Variants in ANKS1B observed in about 807,000 individuals in gnomAD.
The protein encoded by ANKS1B is ankyrin repeat and sterile alpha motif domain containing 1B, also known as ankyrin repeat and sterile alpha motif domain-containing protein 1B.
ANKS1B carries 36 observed loss-of-function variants against 148.3 expected under a neutral mutation model. The observed-to-expected ratio is 0.24, with a 90% CI of 0.19 to 0.32. The LOEUF (loss-of-function observed/expected upper bound fraction) is 0.32. Ranked by LOEUF, ANKS1B falls within the 10% of genes least tolerant of loss-of-function variation. ANKS1B has a pLI of 1.00. For synonymous variants in ANKS1B, 542 were observed against 560.8 expected (o/e 0.97, Z 0.47); for missense variants, 1,157 against 1,542.6 (o/e 0.75, Z 4.19).
intron 17 of ANKS1B, among the ~76,000 whole-genome samples, chr12:98,859,248 A>T (rs1182332676): frequency 2.0e-5 from 3 of 152,228 alleles, no homozygotes; most frequent in Non-Finnish European, 4.4e-5. Context: ...GCATTCACAT[A>T]TGTGATGGTA....
At chr12:98,923,072 T>A (rs1166096065) in intron 17 of ANKS1B, among the ~76,000 whole-genome samples, 2 of 151,942 alleles carry the variant, frequency 1.3e-5, no homozygotes, top group Non-Finnish European at 2.9e-5. Context: ...GGTGTCTGGG[T>A]CATAGAGGTA....
intron 22 of ANKS1B, among the ~76,000 whole-genome samples, chr12:98,782,364 A>C (rs2098745829): frequency 1.3e-5 from 2 of 152,204 alleles, no homozygotes; most frequent in Non-Finnish European, 1.5e-5. Context: ...GTTTCTCATC[A>C]TTCTGTTTAC....
intron 24 of ANKS1B, among the ~76,000 whole-genome samples, chr12:98,775,033 T>C (rs912318000): frequency 6.6e-6 from 1 of 152,126 alleles, no homozygotes; most frequent in Non-Finnish European, 1.5e-5. Context: ...AATGTTAAAA[T>C]GAGAAAAAGG....
In ANKS1B at chr12:99,809,828, C is replaced by T. The variant is rs569129892; in HGVS notation, c.372+2327G>A. ...CCCTGACTATAATGCATAATTTTAA[C>T]ATAACATAAATGTATTACTGGTTGA... On this transcript the variant is annotated intron_variant, in intron 3 of 26. Coordinates refer to ENST00000683438, the MANE Select transcript of ANKS1B (RefSeq NM_001352186.2). 2.0e-3 allele frequency among the ~76,000 whole-genome samples: 301 copies of T among 152,140 alleles called. 1 individual carries two copies. The highest frequency in any genetic ancestry group is 7.0e-3 in the African/African-American group (292 of 41,548).
chr12:98,953,536 G>GGTTT (rs2099857199), intron 17 of ANKS1B, among the ~76,000 whole-genome samples: 1 of 94,340 alleles, frequency 1.1e-5, no homozygotes, highest in African/African-American at 5.5e-5. Flanking sequence ...AATCTAGAGT[G>GGTTT]GTTTTTTTTT....
intron 14 of ANKS1B, among the ~76,000 whole-genome samples, chr12:99,213,204 C>A (rs1342383842): frequency 6.6e-6 from 1 of 152,198 alleles, no homozygotes; most frequent in Non-Finnish European, 1.5e-5. Context: ...ATGGCTATAG[C>A]GTCATTTCAG....
At chr12:99,191,325 C>G (rs1030566554) in intron 14 of ANKS1B, among the ~76,000 whole-genome samples, 4 of 152,100 alleles carry the variant, frequency 2.6e-5, no homozygotes, top group African/African-American at 7.2e-5. Context: ...TACCATTTGA[C>G]CCAACAATCC....
chr12:99,452,217 T>C (rs1398773557), intron 10 of ANKS1B, among the ~76,000 whole-genome samples: 2 of 151,988 alleles, frequency 1.3e-5, no homozygotes, highest in Non-Finnish European at 2.9e-5. Context: ...CAAGAAAATT[T>C]TACTTACAAA....
At chr12:99,221,248 G>T (rs964139616) in intron 14 of ANKS1B, among the ~76,000 whole-genome samples, 2 of 152,150 alleles carry the variant, frequency 1.3e-5, no homozygotes, top group Non-Finnish European at 2.9e-5. Flanking sequence ...GCTGAGGCAG[G>T]AGAATGGCGT....
intron 24 of ANKS1B, among the ~76,000 whole-genome samples, chr12:98,777,157 C>T (rs116428751): frequency 0.044 from 6,763 of 152,242 alleles, 165 homozygotes; most frequent in African/African-American, 0.061. Context: ...GGCGCCACTA[C>T]ACTCCAGCCT....
At chr12:98,878,176 T>A (rs1285924165) in intron 17 of ANKS1B, among the ~76,000 whole-genome samples, 1 of 150,288 alleles carries the variant, frequency 6.7e-6, no homozygotes, top group African/African-American at 2.4e-5. Flanking sequence ...TTTTCCCTAA[T>A]GAGGACGTAC....
intron 9 of ANKS1B, among the ~76,000 whole-genome samples, chr12:99,618,062 A>C (rs1416072537): frequency 1.3e-5 from 2 of 152,128 alleles, no homozygotes; most frequent in Non-Finnish European, 1.5e-5. Flanking sequence ...AACTCACTCT[A>C]GGGCAGCTCC....
At chr12:99,425,988 G>C (rs545400171) in intron 11 of ANKS1B, among the ~76,000 whole-genome samples, 2 of 152,116 alleles carry the variant, frequency 1.3e-5, no homozygotes, top group East Asian at 3.8e-4. Context: ...GTATCTGTAA[G>C]ATTATGTTCG....
intron 10 of ANKS1B, among the ~76,000 whole-genome samples, chr12:99,498,659 C>A (rs1009933158): frequency 2.0e-5 from 3 of 152,068 alleles, no homozygotes; most frequent in Admixed American, 2.0e-4. Context: ...GTTCCTTATG[C>A]AATATTTAGC....
At chr12:99,716,851 G>A (rs959362788) in intron 8 of ANKS1B, among the ~76,000 whole-genome samples, 46 of 151,970 alleles carry the variant, frequency 3.0e-4, no homozygotes, top group Non-Finnish European at 6.0e-4. Flanking sequence ...CTCCTCGCCA[G>A]GCCGAGCTAG....
chr12:99,467,567 A>C (rs1247719604), intron 10 of ANKS1B, among the ~76,000 whole-genome samples: 1 of 152,212 alleles, frequency 6.6e-6, no homozygotes, highest in Non-Finnish European at 1.5e-5. Flanking sequence ...AATCTCCTTA[A>C]GCTGATAAGC....
chr12:99,967,978 T>C (rs1315524528), intron 1 of ANKS1B, among the ~76,000 whole-genome samples: 1 of 150,454 alleles, frequency 6.6e-6, no homozygotes, highest in African/African-American at 2.4e-5. Context: ...AAATGCCATA[T>C]AGGAAAGCTT....
At chr12:99,334,976 A>G (rs1211649655) in intron 12 of ANKS1B, among the ~76,000 whole-genome samples, 1 of 152,010 alleles carries the variant, frequency 6.6e-6, no homozygotes, top group South Asian at 2.1e-4. Flanking sequence ...CCAGTTTCCC[A>G]TCTCTTACTA....
intron 12 of ANKS1B, among the ~76,000 whole-genome samples, chr12:99,316,225 A>C (rs1257129458): frequency 6.6e-6 from 1 of 152,220 alleles, no homozygotes; most frequent in African/African-American, 2.4e-5. Flanking sequence ...TTCTAGTTCT[A>C]GATCCTTGAG....
Sources: gnomAD v4.1 joint callset for allele counts (sites outside exome capture counted in the v4.1 genomes callset) on GRCh38, gnomAD v4.1.1 for gene constraint, MANE v1.5 for transcripts, NCBI Gene and HGNC (gene_info 2026-07-23, HGNC 2026-07-21) for gene names.